Variants in A2ML1 observed in about 807,000 individuals in gnomAD.
The protein encoded by A2ML1 is alpha-2-macroglobulin like 1, also known as alpha-2-macroglobulin-like protein 1.
Under a neutral mutation model 181.9 loss-of-function variants are expected in A2ML1, and 161 were observed. The ratio of observed to expected loss-of-function variants is 0.89; its 90% CI spans 0.78 to 1.01. The LOEUF (loss-of-function observed/expected upper bound fraction) is 1.01, where lower values mean the gene tolerates loss of function less well. Ranked by LOEUF, A2ML1 falls within the 50% of genes least tolerant of loss-of-function variation. A2ML1 has a pLI of 0.00. For synonymous variants in A2ML1, 663 were observed against 666.8 expected, an observed-to-expected ratio of 0.99 and a Z score of 0.09; for missense variants, 1,670 against 1,768.1, an observed-to-expected ratio of 0.94 and a Z score of 1.00.
In A2ML1 at chr12:8,854,152, C is replaced by T. The variant is rs779404191; in HGVS notation, c.2615C>T (p.Thr872Ile). 7 of 1,602,668 alleles carry T rather than the reference C, an allele frequency of 4.4e-6. No homozygotes were observed. In the Admixed American group the frequency reaches 5.1e-5, roughly 12 times the overall value. ...KLGHINFTISTKILDSNEPCG... is the reference protein window; with the variant it reads ...KLGHINFTISIKILDSNEPCG... ...GGTCACATTAACTTTACTATTAGTACAAAGATTCTGGACAGCAATGAACCA... is the reference window on the plus strand; with the variant it reads ...GGTCACATTAACTTTACTATTAGTATAAAGATTCTGGACAGCAATGAACCA... The change falls in exon 21 of 36, where the codon ACA becomes ATA. Residue 872 changes from threonine to isoleucine, a missense_variant. Coordinates refer to ENST00000299698, the MANE Select transcript of A2ML1 (RefSeq NM_144670.6).
intron 26 of A2ML1, among the ~76,000 whole-genome samples, chr12:8,860,371 GT>G (rs1302817099): frequency 6.6e-6 from 1 of 152,098 alleles, no homozygotes; most frequent in African/African-American, 2.4e-5. Context: ...TTAAGTGTTT[GT>G]TTTCTTATTT....
chr12:8,871,553 T>A (rs1296355168), intron 33 of A2ML1, among the ~76,000 whole-genome samples: 2 of 152,066 alleles, frequency 1.3e-5, no homozygotes, highest in Non-Finnish European at 2.9e-5. Flanking sequence ...CCTCAAGTGA[T>A]CTGCCTGCCT....
In A2ML1 at chr12:8,822,687, A is replaced by T. The variant is rs1942780195; in HGVS notation, c.36A>T (p.Leu12=). 6.2e-7 allele frequency: 1 copy of T among 1,614,084 alleles called. No homozygotes were observed. Among genetic ancestry groups the T allele is most frequent in the Non-Finnish European group, 8.5e-7 (1 of 1,180,008 alleles). Residue 12 remains leucine (L), a synonymous_variant, in exon 1 of 36, where the codon CTA becomes CTT. Transcript: ENST00000299698. ...AGCTCCTTCTAGGAATGTTGGCCCT[A>T]TCACCAGCCATTGCAGAAGAACTTC... ...WAQLLLGMLA[L]SPAIAEELPN...
intron 7 of A2ML1, 142 bp downstream of exon 7, chr12:8,836,481 C>CTTT (rs751110394): frequency 2.7e-4 from 106 of 390,194 alleles, no homozygotes; most frequent in South Asian, 1.4e-3. Context: ...TATCCAAGAC[C>CTTT]TTTTTTTTTT....
chr12:8,874,645 A>G, intron 34 of A2ML1, 118 bp downstream of exon 34: 1 of 762,622 alleles, frequency 1.3e-6, no homozygotes, highest in Non-Finnish European at 2.1e-6. Context: ...CAAGCCAAGT[A>G]GCACATAATT....
intron 26 of A2ML1, among the ~76,000 whole-genome samples, chr12:8,859,287 G>A (rs761794190): frequency 3.2e-4 from 48 of 151,226 alleles, no homozygotes; most frequent in African/African-American, 1.1e-3. Context: ...TAAAAATCTT[G>A]AGTGTTAAAA....
Position 8,863,894 on chromosome 12 carries a change from G to C in A2ML1, c.3603G>C (p.Leu1201Phe), listed in dbSNP as rs148052558. 8.7e-6 allele frequency: 14 copies of C among 1,614,184 alleles called. No individual in the cohort carries two copies. The highest frequency in any genetic ancestry group is 1.2e-5 in the Non-Finnish European group (14 of 1,180,032). The change falls in exon 29 of 36, where the codon TTG becomes TTC. Residue 1201 changes from leucine (L) to phenylalanine (F), a missense_variant. Physicochemically the swap from Leu to Phe is conservative, Grantham distance 22. Coordinates refer to ENST00000299698, the MANE Select transcript of A2ML1 (RefSeq NM_144670.6). The part of the protein sequence containing the change: ...AVDVELTAYA[L>F]LAQLTKPSLT... Reference sequence around the variant, plus strand: ...ATGTGGAACTCACAGCATATGCATTGTTGGCCCAGCTTACCAAGCCCAGCC... The same window carrying C: ...ATGTGGAACTCACAGCATATGCATTCTTGGCCCAGCTTACCAAGCCCAGCC...
Position 8,851,817 on chromosome 12 carries a change from T to A in A2ML1, c.2268T>A (p.Val756=), listed in dbSNP as rs1313674301. 6.2e-7 allele frequency: 1 copy of A among 1,614,178 alleles called. No individual in the cohort carries two copies. The highest frequency in any genetic ancestry group is 1.7e-5 in the Admixed American group (1 of 60,010). Residue 756 remains valine, a synonymous_variant, in exon 19 of 36, where the codon GTT becomes GTA. Coordinates refer to ENST00000299698, the MANE Select transcript of A2ML1 (RefSeq NM_144670.6). The stretch of plus-strand genomic sequence containing the variant: ...GGAAGGAGGCGGTCCACGTCACAGT[T>A]CCTGACGCCATCACCGAGTGGAAGG... The part of the protein sequence containing the change: ...NSGKEAVHVT[V]PDAITEWKAM...
At chr12:8,877,241 G>C (rs1288152300), downstream of A2ML1, among the ~76,000 whole-genome samples, 1 of 152,110 alleles carries the variant, frequency 6.6e-6, no homozygotes, top group African/African-American at 2.4e-5. Context: ...TTTTATCCTG[G>C]GTATCCACTG....
rs7313176 is a variant in A2ML1 at position 8,861,718 on chromosome 12, A to G, written c.3502+421A>G. 0.18 allele frequency among the ~76,000 whole-genome samples: 27,399 copies of G among 150,662 alleles called. 2,565 individuals carry two copies. Among genetic ancestry groups the G allele is most frequent in the African/African-American group, 0.23 (9,220 of 40,822 alleles). Reference sequence around the variant, plus strand: ...TAGCCAGGATGGTCTCGATCTCCTGACCTCATGATCCACCCGCCTCGGCCT... The same window carrying G: ...TAGCCAGGATGGTCTCGATCTCCTGGCCTCATGATCCACCCGCCTCGGCCT... On this transcript the variant is annotated intron_variant, in intron 28 of 35. Coordinates refer to ENST00000299698, the MANE Select transcript of A2ML1 (RefSeq NM_144670.6).
downstream of A2ML1, among the ~76,000 whole-genome samples, chr12:8,879,211 G>T (rs1944845319): frequency 6.6e-6 from 1 of 152,120 alleles, no homozygotes; most frequent in Non-Finnish European, 1.5e-5. Context: ...GAAGGTAGTT[G>T]TCAGGTGCAG....
rs193079087 is a variant in A2ML1, at chr12:8,823,207, C to T, written c.88C>T (p.Arg30Trp). 1.9e-5 allele frequency: 31 copies of T among 1,613,880 alleles called. 2 individuals carry two copies. In the African/African-American group the frequency reaches 2.7e-4, roughly 14 times the overall value. Reference sequence around the variant, plus strand: ...AAACTACCTGGTGACATTACCAGCCCGGCTAAATTTCCCCTCCGTTCAGAA... The same window carrying T: ...AAACTACCTGGTGACATTACCAGCCTGGCTAAATTTCCCCTCCGTTCAGAA... Reference protein sequence around the residue: ...LPNYLVTLPARLNFPSVQKVC... With the variant: ...LPNYLVTLPAWLNFPSVQKVC... Residue 30 changes from arginine (R) to tryptophan (W), a missense_variant, in exon 2 of 36, where the codon CGG (arginine) becomes TGG (tryptophan). Coordinates refer to ENST00000299698, the MANE Select transcript of A2ML1 (RefSeq NM_144670.6).
chr12:8,872,383 T>A (rs868201473), intron 33 of A2ML1, among the ~76,000 whole-genome samples: 1 of 152,092 alleles, frequency 6.6e-6, no homozygotes, highest in South Asian at 2.1e-4. Flanking sequence ...TTGGTCTTTA[T>A]CATATTAGAA....
At chr12:8,850,022 T>C (rs1943833851) in intron 17 of A2ML1, 138 bp from the exon 18 acceptor site, 1 of 742,830 alleles carries the variant, frequency 1.3e-6, no homozygotes, top group Non-Finnish European at 2.2e-6. Context: ...TAGTTCCTCT[T>C]TGGTCCTTCC....
chr12:8,869,546 T>C (rs896858127), intron 33 of A2ML1, among the ~76,000 whole-genome samples: 12 of 152,204 alleles, frequency 7.9e-5, no homozygotes, highest in Non-Finnish European at 1.5e-4. Context: ...ATACAATTAA[T>C]ATACAGACGT....
intron 7 of A2ML1, 140 bp downstream of exon 7, chr12:8,836,479 AC>A (rs1432292405): frequency 1.5e-5 from 7 of 481,304 alleles, no homozygotes; most frequent in Admixed American, 7.9e-5. Flanking sequence ...CTTATCCAAG[AC>A]CTTTTTTTTT....
chr12:8,875,110 A>G (rs910776149), intron 35 of A2ML1, 98 bp downstream of exon 35: 9 of 1,372,106 alleles, frequency 6.6e-6, no homozygotes, highest in Admixed American at 3.5e-5. Context: ...TTTTTGAGAT[A>G]GAGTCTCGCG....
chr12:8,868,716 T>G (rs1266547043), intron 32 of A2ML1, 89 bp downstream of exon 32: 37 of 911,988 alleles, frequency 4.1e-5, no homozygotes, highest in Non-Finnish European at 5.3e-5. Context: ...CATCATGGCG[T>G]GTATACACAC....
intron 4 of A2ML1, among the ~76,000 whole-genome samples, chr12:8,832,823 G>A (rs149289614): frequency 1.3e-5 from 2 of 152,208 alleles, no homozygotes; most frequent in African/African-American, 4.8e-5. Context: ...CGTTTCCTCA[G>A]TTTTAATTTT....
Sources: allele counts gnomAD v4.1 joint callset (sites outside exome capture counted in the v4.1 genomes callset), GRCh38; gene constraint gnomAD v4.1.1; transcripts MANE v1.5; gene names NCBI Gene and HGNC (gene_info 2026-07-23, HGNC 2026-07-21).